FMN1: variants seen among roughly 807,000 people sequenced by gnomAD.
FMN1 encodes formin-1.
A neutral mutation model predicts 132.4 loss-of-function variants in FMN1; 110 were observed. The observed-to-expected ratio is 0.83, with a 90% CI of 0.71 to 0.97. The LOEUF (loss-of-function observed/expected upper bound fraction) is 0.97, where lower values mean the gene tolerates loss of function less well. Among genes scored for constraint, FMN1 ranks in the 50% least tolerant of loss-of-function variants. FMN1 has a pLI of 0.00. For missense variants in FMN1, 1,792 were observed against 1,705.3 expected, an observed-to-expected ratio of 1.05 and a Z score of -0.90; for synonymous variants, 722 against 651.7, an observed-to-expected ratio of 1.11 and a Z score of -1.64.
chr15:33,192,136 C>A (rs4780091), intron 2 of FMN1, among the ~76,000 whole-genome samples: 1 of 152,082 alleles, frequency 6.6e-6, no homozygotes, highest in African/African-American at 2.4e-5. Context: ...AAGGCAAGAT[C>A]ATCTAAAGCA....
intron 17 of FMN1, among the ~76,000 whole-genome samples, chr15:32,853,435 G>C (rs2059054612): frequency 6.6e-6 from 1 of 152,094 alleles, no homozygotes; most frequent in African/African-American, 2.4e-5. Flanking sequence ...TGTAATAATG[G>C]TATTTCTTAC....
chr15:33,047,383 A>G (rs1232969333), intron 6 of FMN1, among the ~76,000 whole-genome samples: 1 of 152,212 alleles, frequency 6.6e-6, no homozygotes, highest in African/African-American at 2.4e-5. Context: ...AAAGCGAGAA[A>G]TATTGGCCAC....
intron 4 of FMN1, among the ~76,000 whole-genome samples, chr15:33,099,135 C>A (rs934671623): frequency 6.6e-6 from 1 of 151,992 alleles, no homozygotes; most frequent in Non-Finnish European, 1.5e-5. Context: ...ACCCAATCTA[C>A]AAAAAGTTAG....
At chr15:33,094,476 C>G (rs1196913772) in intron 4 of FMN1, among the ~76,000 whole-genome samples, 4 of 152,190 alleles carry the variant, frequency 2.6e-5, no homozygotes, top group Admixed American at 2.6e-4. Context: ...TTCAGTTGCA[C>G]TGCAGTGCAG....
chr15:32,920,454 C>G (rs1480613074), intron 10 of FMN1, among the ~76,000 whole-genome samples: 2 of 152,124 alleles, frequency 1.3e-5, no homozygotes, highest in Admixed American at 1.3e-4. Flanking sequence ...CTTCAGCCAG[C>G]ATATGGATTT....
intron 16 of FMN1, among the ~76,000 whole-genome samples, chr15:32,861,819 A>G (rs2059275803): frequency 6.6e-6 from 1 of 152,226 alleles, no homozygotes; most frequent in South Asian, 2.1e-4. Context: ...TGAAGAATGC[A>G]GGCGAAGTCT....
At position 32,792,353 on chromosome 15, in the gene FMN1, G is replaced by A. The variant is rs1035688914; in HGVS notation, c.4130+6451C>T. ...CCAGCTACTTGGGAGGCTGAGGCAG[G>A]AGAATGGCATGAACCCGGAAGGTGG... On this transcript the variant is annotated intron_variant, in intron 19 of 20. Coordinates refer to ENST00000616417, the MANE Select transcript of FMN1 (RefSeq NM_001277313.2). Among the ~76,000 whole-genome samples, 5 of 151,918 alleles carry A rather than the reference G, an allele frequency of 3.3e-5. No homozygotes were observed. In the South Asian group the frequency reaches 1.0e-3, roughly 32 times the overall value.
At chr15:33,099,160 G>A (rs140920658) in intron 4 of FMN1, among the ~76,000 whole-genome samples, 124 of 152,140 alleles carry the variant, frequency 8.2e-4, no homozygotes, top group African/African-American at 2.8e-3. Flanking sequence ...GTGGGGTGGC[G>A]CGCACCTGTA....
intron 7 of FMN1, among the ~76,000 whole-genome samples, chr15:32,986,993 C>G (rs1431598771): frequency 6.6e-6 from 1 of 152,124 alleles, no homozygotes; most frequent in Non-Finnish European, 1.5e-5. Flanking sequence ...AAACATTTAA[C>G]TATCCTATTC....
At chr15:33,080,524 G>T (rs371870120) in intron 5 of FMN1, among the ~76,000 whole-genome samples, 26 of 152,302 alleles carry the variant, frequency 1.7e-4, no homozygotes, top group Admixed American at 4.6e-4. Flanking sequence ...AGGCCAAGGC[G>T]GACGGATCAC....
At chr15:33,041,219 G>T (rs185546178) in intron 6 of FMN1, among the ~76,000 whole-genome samples, 46 of 151,504 alleles carry the variant, frequency 3.0e-4, no homozygotes, top group African/African-American at 7.7e-4. Context: ...ACTACTTTTC[G>T]TGAAGAATAC....
chr15:33,042,260 T>A (rs983181768), intron 6 of FMN1, among the ~76,000 whole-genome samples: 1 of 152,154 alleles, frequency 6.6e-6, no homozygotes, highest in East Asian at 1.9e-4. Context: ...AAAAGAAATC[T>A]TGCAGAGGCA....
In FMN1 at chr15:33,154,315, G is replaced by A. The variant is rs1964579292; in HGVS notation, c.600C>T (p.His200=). 6 of 1,536,060 alleles carry A rather than the reference G, an allele frequency of 3.9e-6. No individual in the cohort carries two copies. The highest frequency in any genetic ancestry group is 1.4e-5 in the African/African-American group (1 of 73,050). ...LMGKDKICSS[H]SLPLSRTRPN... ...GCCTTGTTCTAGAAAGAGGAAGGGA[G>A]TGGCTGGAACAGATCTTGTCCTTGC... Residue 200 remains histidine (H), a synonymous_variant, in exon 4 of 21, where the codon CAC becomes CAT. Transcript: ENST00000616417.
chr15:33,050,727 G>A (rs1249294251), intron 6 of FMN1, among the ~76,000 whole-genome samples: 1 of 152,138 alleles, frequency 6.6e-6, no homozygotes, highest in African/African-American at 2.4e-5. Flanking sequence ...TCCTATCAAG[G>A]TACTCACAGG....
chr15:33,178,927 C>T (rs979463443), intron 3 of FMN1, among the ~76,000 whole-genome samples: 1 of 152,154 alleles, frequency 6.6e-6, no homozygotes, highest in Non-Finnish European at 1.5e-5. Flanking sequence ...CCCTTCAGTA[C>T]ATAAAACATG....
At chr15:32,908,297 C>A (rs573720425) in intron 12 of FMN1, 193 bp downstream of exon 12, 2 of 540,580 alleles carry the variant, frequency 3.7e-6, no homozygotes, top group East Asian at 3.1e-5. Flanking sequence ...CACACTGTAT[C>A]CAACAGCACA....
In FMN1 at chr15:32,771,871, T is replaced by C. The variant is rs1195801452; in HGVS notation, c.*2439A>G. The C allele has an allele frequency of 6.6e-6, 1 of 152,212 alleles. No individual in the cohort carries two copies. Among genetic ancestry groups the C allele is most frequent in the Non-Finnish European group, 1.5e-5 (1 of 68,048 alleles). 9.4% of individuals were successfully genotyped at this position (152,212 alleles called of 1,614,324 possible). Reference sequence around the variant, plus strand: ...GTCATTGACCTTTACTGAGCATCAATTTGAGTTAAAAATGAAGGCTGTGTC... The same window carrying C: ...GTCATTGACCTTTACTGAGCATCAACTTGAGTTAAAAATGAAGGCTGTGTC... On this transcript the variant is annotated 3_prime_UTR_variant, in exon 21 of 21. Transcript: ENST00000616417.
At chr15:32,863,387 T>C (rs112282498) in intron 16 of FMN1, among the ~76,000 whole-genome samples, 2,204 of 152,258 alleles carry the variant, frequency 0.014, 24 homozygotes, top group Middle Eastern at 0.027. Flanking sequence ...TGAGCCGAGA[T>C]TGTGCCACTG....
intron 7 of FMN1, among the ~76,000 whole-genome samples, chr15:32,976,038 G>A (rs1567493974): frequency 1.3e-5 from 2 of 152,130 alleles, no homozygotes; most frequent in Admixed American, 6.5e-5. Context: ...GAAAGACATC[G>A]TGTTGGTGCC....
Sources: allele counts gnomAD v4.1 joint callset (sites outside exome capture counted in the v4.1 genomes callset), GRCh38; gene constraint gnomAD v4.1.1; transcripts MANE v1.5; gene names NCBI Gene and HGNC (gene_info 2026-07-23, HGNC 2026-07-21).